PPM1H: variants seen among roughly 807,000 people sequenced by gnomAD.
PPM1H encodes the protein protein phosphatase 1H.
In PPM1H, 27 loss-of-function variants were observed where a neutral mutation model predicts 54.9. That is an observed-to-expected ratio of 0.49 (90% CI 0.36 to 0.68). The LOEUF is 0.68. Ranked by LOEUF, PPM1H falls within the 30% of genes least tolerant of loss-of-function variation. PPM1H has a pLI of 0.00. For missense variants in PPM1H, 596 were observed against 667.8 expected, an observed-to-expected ratio of 0.89 and a Z score of 1.19; for synonymous variants, 305 against 270.8, an observed-to-expected ratio of 1.13 and a Z score of -1.24.
chr12:62,884,822 C>T (rs964204668), intron 1 of PPM1H, among the ~76,000 whole-genome samples: 7 of 152,072 alleles, frequency 4.6e-5, no homozygotes, highest in Admixed American at 6.5e-5. Flanking sequence ...ATTAAGGTGT[C>T]GGCACATCAA....
At chr12:62,728,915 G>A (rs573275178) in intron 5 of PPM1H, among the ~76,000 whole-genome samples, 6 of 152,270 alleles carry the variant, frequency 3.9e-5, no homozygotes, top group South Asian at 2.1e-4. Context: ...AATACAAAAT[G>A]CTTCCTCATT....
chr12:62,802,372 G>A (rs1025887289), intron 2 of PPM1H, among the ~76,000 whole-genome samples: 4 of 152,122 alleles, frequency 2.6e-5, no homozygotes, highest in Admixed American at 2.0e-4. Context: ...ATGAGCCATT[G>A]TTGTTACTAG....
chr12:62,902,144 C>T (rs1039699780), intron 1 of PPM1H, among the ~76,000 whole-genome samples: 6 of 151,978 alleles, frequency 3.9e-5, no homozygotes, highest in East Asian at 1.9e-4. Context: ...GGGCAGATCA[C>T]GAGGTCAGGA....
intron 4 of PPM1H, among the ~76,000 whole-genome samples, chr12:62,748,245 AAAAAAAAAAG>A (rs2076423391): frequency 6.6e-6 from 1 of 151,932 alleles, no homozygotes; most frequent in Non-Finnish European, 1.5e-5. Flanking sequence ...TCCGTCTCAA[AAAAAAAAAAG>A]AAAAAAAAAG....
chr12:62,815,189 T>TTTTTG (rs2076858936), intron 2 of PPM1H, among the ~76,000 whole-genome samples: 2 of 151,834 alleles, frequency 1.3e-5, no homozygotes, highest in African/African-American at 4.8e-5. Flanking sequence ...CCATACCTCT[T>TTTTTG]TTTTTTTGAC....
At chr12:62,661,717 CT>C (rs5798653) in intron 9 of PPM1H, among the ~76,000 whole-genome samples, 97,308 of 151,772 alleles carry the variant, frequency 0.64, 31,511 homozygotes, top group Middle Eastern at 0.76. Context: ...TGTTAAAACA[CT>C]TTTTTTTTCC....
chr12:62,832,218 C>T lies in PPM1H; in HGVS notation c.307G>A (p.Val103Met), dbSNP rs769029280. The T allele has an allele frequency of 1.9e-6, 3 of 1,613,588 alleles. No homozygotes were observed. Among genetic ancestry groups the T allele is most frequent in the Non-Finnish European group, 2.5e-6 (3 of 1,179,784 alleles). The part of the protein sequence containing the change: ...EDQASCEVLT[V>M]KKKAGAVTST... ...GTCACGGCCCCTGCCTTCTTCTTCA[C>T]AGTGAGCACCTCACAGCTGGCTTGG... The change falls in exon 2 of 10, where the codon GTG (valine) becomes ATG (methionine). Residue 103 changes from valine (V) to methionine (M), a missense_variant. Physicochemically the swap from Val to Met is conservative, Grantham distance 21. Around this residue, in one of 3 missense-constraint regions of PPM1H, gnomAD observed 382 missense variants for 387.1 expected, o/e 0.99. Transcript: ENST00000228705.
Position 62,690,001 on chromosome 12 carries a change from T to A in PPM1H, c.1138-195A>T, listed in dbSNP as rs950250007. On this transcript the variant is annotated intron_variant, in intron 7 of 9. Transcript: ENST00000228705. ...GGCTCACCAAAATCACTTCTGTATT[T>A]GAGGAGTGCTTTTTCTATCCATTAT... 8.5e-5 allele frequency among the ~76,000 whole-genome samples: 13 copies of A among 152,336 alleles called. No individual in the cohort carries two copies. In the South Asian group the frequency reaches 1.0e-3, roughly 12 times the overall value.
chr12:62,653,155 T>G (rs1175012330), intron 9 of PPM1H, among the ~76,000 whole-genome samples: 1 of 152,216 alleles, frequency 6.6e-6, no homozygotes, highest in Non-Finnish European at 1.5e-5. Context: ...CAAGTTTTTG[T>G]GTTTTTGTTG....
At chr12:62,696,068 C>G (rs1237572287) in intron 6 of PPM1H, among the ~76,000 whole-genome samples, 1 of 152,124 alleles carries the variant, frequency 6.6e-6, no homozygotes, top group Admixed American at 6.6e-5. Context: ...TAAATAGAGG[C>G]AGAAGGCTGC....
chr12:62,708,486 A>G (rs1159508773), intron 6 of PPM1H, among the ~76,000 whole-genome samples: 1 of 152,192 alleles, frequency 6.6e-6, no homozygotes, highest in African/African-American at 2.4e-5. Flanking sequence ...CAGAAAATTT[A>G]TCAAGCTCTG....
At chr12:62,708,098 C>A (rs2076185221) in intron 6 of PPM1H, among the ~76,000 whole-genome samples, 1 of 152,258 alleles carries the variant, frequency 6.6e-6, no homozygotes, top group Non-Finnish European at 1.5e-5. Flanking sequence ...CAACTGACAA[C>A]ACACTAGTTC....
At chr12:62,737,217 T>TAA (rs111659461) in intron 5 of PPM1H, among the ~76,000 whole-genome samples, 3,531 of 134,194 alleles carry the variant, frequency 0.026, 61 homozygotes, top group Non-Finnish European at 0.028. Context: ...AAGAAGCCAT[T>TAA]AAAAAAAAAA....
Position 62,848,787 on chromosome 12 carries a change from G to A in PPM1H, c.246-16508C>T, listed in dbSNP as rs11174695. ...GTTTATAATCCACTGGTGGTGGCTG[G>A]TACTACCAGAGTCAGAAGCTCAAGA... On this transcript the variant is annotated intron_variant, in intron 1 of 9. Coordinates refer to ENST00000228705, the MANE Select transcript of PPM1H (RefSeq NM_020700.2). Among the ~76,000 whole-genome samples the A allele has an allele frequency of 1.7e-4, 26 of 152,216 alleles. No individual in the cohort carries two copies. The East Asian group carries it at 4.3e-3, about 25-fold the overall frequency.
intron 4 of PPM1H, among the ~76,000 whole-genome samples, chr12:62,787,768 C>T (rs2076681446): frequency 6.6e-6 from 1 of 152,140 alleles, no homozygotes; most frequent in South Asian, 2.1e-4. Context: ...CAGTTGAACC[C>T]GGACGTGAGG....
At chr12:62,858,657 T>G (rs1869484436) in intron 1 of PPM1H, among the ~76,000 whole-genome samples, 1 of 152,164 alleles carries the variant, frequency 6.6e-6, no homozygotes, top group Admixed American at 6.5e-5. Flanking sequence ...TTAGTCAAAT[T>G]TTACACTGTG....
At chr12:62,865,662 A>G (rs1869749518) in intron 1 of PPM1H, among the ~76,000 whole-genome samples, 1 of 151,906 alleles carries the variant, frequency 6.6e-6, no homozygotes, top group Non-Finnish European at 1.5e-5. Flanking sequence ...ACGTCCTGCT[A>G]ATTTTTTTTA....
At chr12:62,682,575 C>A (rs1287588698) in intron 8 of PPM1H, among the ~76,000 whole-genome samples, 1 of 152,212 alleles carries the variant, frequency 6.6e-6, no homozygotes, top group Non-Finnish European at 1.5e-5. Context: ...GATCATAGCT[C>A]AAGGCAGCCT....
At chr12:62,788,879 C>A (rs866169269) in intron 3 of PPM1H, among the ~76,000 whole-genome samples, 74 of 152,128 alleles carry the variant, frequency 4.9e-4, no homozygotes, top group African/African-American at 1.7e-3. Flanking sequence ...GTGCGCACCA[C>A]CATGCCCGGC....
Sources: gnomAD v4.1 joint callset for allele counts (sites outside exome capture counted in the v4.1 genomes callset) on GRCh38, gnomAD v4.1.1 for gene constraint, gnomAD v4.1.1 regional missense constraint, MANE v1.5 for transcripts, NCBI Gene and HGNC (gene_info 2026-07-23, HGNC 2026-07-21) for gene names.